Variants in DPH6 observed in about 807,000 individuals in gnomAD.
DPH6 encodes the protein diphthamine biosynthesis 6, also known as diphthine--ammonia ligase.
A neutral mutation model predicts 38.2 loss-of-function variants in DPH6; 33 were observed. The ratio of observed to expected loss-of-function variants is 0.86; its 90% CI spans 0.65 to 1.15. DPH6 has a LOEUF of 1.15. DPH6 is among the 50% of genes most tolerant of loss of function. DPH6 has a pLI of 0.00. For synonymous variants in DPH6, 108 were observed against 103.0 expected (o/e 1.05, Z -0.30); for missense variants, 325 against 320.0 (o/e 1.02, Z -0.12).
chr15:35,154,074 G>A, the DPH6 span, among the ~76,000 whole-genome samples: 14 of 152,222 alleles, frequency 9.2e-5, no homozygotes, highest in African/African-American at 2.4e-4. Context: ...AATATTTGTC[G>A]AAAGTTACAA....
At chr15:35,473,973 A>T (rs140075297) in intron 3 of DPH6, among the ~76,000 whole-genome samples, 289 of 149,114 alleles carry the variant, frequency 1.9e-3, no homozygotes, top group African/African-American at 7.0e-3. Flanking sequence ...CGCGCGCGTG[A>T]GCTTTTGTAG....
At chr15:35,513,654 A>G (rs765584641) in intron 3 of DPH6, among the ~76,000 whole-genome samples, 6 of 152,082 alleles carry the variant, frequency 3.9e-5, no homozygotes, top group Admixed American at 2.0e-4. Context: ...AATCTTAACT[A>G]TAAGGAAAGA....
rs570763041 is a variant in DPH6 at position 35,492,381 on chromosome 15, A to G, written c.313-37561T>C. ...GACAATAAAGGAAGATTATTCATTT[A>G]CCTGTTATGTGATTCATGTTTTTCA... On this transcript the variant is annotated intron_variant, in intron 3 of 8. Coordinates refer to ENST00000256538, the MANE Select transcript of DPH6 (RefSeq NM_080650.4). 2.0e-5 allele frequency among the ~76,000 whole-genome samples: 3 copies of G among 152,372 alleles called. No homozygotes were observed. The South Asian group carries it at 6.2e-4, about 32-fold the overall frequency.
intron 3 of DPH6, among the ~76,000 whole-genome samples, chr15:35,497,238 T>C (rs1566931593): frequency 6.6e-6 from 1 of 152,182 alleles, no homozygotes; most frequent in Non-Finnish European, 1.5e-5. Flanking sequence ...TTAGAAATGG[T>C]CATTGGGCCT....
intron 3 of DPH6, among the ~76,000 whole-genome samples, chr15:35,456,044 C>T (rs1444029008): frequency 1.3e-5 from 2 of 152,082 alleles, no homozygotes; most frequent in Non-Finnish European, 2.9e-5. Flanking sequence ...TGGAGAAATA[C>T]CTGCCCAAAT....
intron 3 of DPH6, among the ~76,000 whole-genome samples, chr15:35,264,119 T>TA (rs199909944): frequency 2.7e-5 from 4 of 149,658 alleles, no homozygotes; most frequent in Admixed American, 6.6e-5. Context: ...ATTCAAAGAT[T>TA]AAAAAAAAAG....
At chr15:35,408,482 A>C (rs1294203471) in intron 6 of DPH6, among the ~76,000 whole-genome samples, 4 of 151,992 alleles carry the variant, frequency 2.6e-5, no homozygotes, top group Non-Finnish European at 4.4e-5. Context: ...ATCTGTGGGC[A>C]CTGAAGCTTA....
chr15:35,436,101 T>C (rs543786755), intron 5 of DPH6, among the ~76,000 whole-genome samples: 10 of 152,046 alleles, frequency 6.6e-5, no homozygotes, highest in Non-Finnish European at 1.3e-4. Flanking sequence ...CTGAGCAGCA[T>C]ACCTCGCGAC....
At chr15:35,352,105 G>T (rs1161012728) in intron 3 of DPH6, among the ~76,000 whole-genome samples, 2 of 152,106 alleles carry the variant, frequency 1.3e-5, no homozygotes, top group African/African-American at 4.8e-5. Flanking sequence ...TCTAATTTAT[G>T]TAAGTATTAA....
rs368215476 is a variant in DPH6 at position 35,467,573 on chromosome 15, CAAAG to C, written c.313-12757_313-12754del. Among the ~76,000 whole-genome samples the C allele has an allele frequency of 3.4e-3, 518 of 152,206 alleles. 7 individuals carry two copies. Among genetic ancestry groups the C allele is most frequent in the African/African-American group, 0.012 (490 of 41,554 alleles). ...AGGGTGAGACTCCATCTCGAACAAACAAAGAAACAAAACAAACAAAAAAAACTAA... is the reference window on the plus strand; with the variant it reads ...AGGGTGAGACTCCATCTCGAACAAACAAACAAAACAAACAAAAAAAACTAA... On this transcript the variant is annotated intron_variant, in intron 3 of 8. Coordinates refer to ENST00000256538, the MANE Select transcript of DPH6 (RefSeq NM_080650.4).
the DPH6 span, among the ~76,000 whole-genome samples, chr15:35,159,347 T>A: frequency 6.6e-6 from 1 of 152,042 alleles, no homozygotes; most frequent in African/African-American, 2.4e-5. Context: ...TTCTCTTGTA[T>A]CTTCAGTTTC....
intron 6 of DPH6, among the ~76,000 whole-genome samples, chr15:35,383,493 C>T (rs1246663162): frequency 6.6e-6 from 1 of 152,230 alleles, no homozygotes; most frequent in East Asian, 1.9e-4. Context: ...AGACAACCTT[C>T]TTGGTCTCTT....
At chr15:35,354,675 C>T (rs1189433301) in intron 3 of DPH6, among the ~76,000 whole-genome samples, 5 of 152,058 alleles carry the variant, frequency 3.3e-5, no homozygotes, top group African/African-American at 9.7e-5. Flanking sequence ...CTGCTGAATT[C>T]GGTTTGCCAG....
At chr15:35,334,137 G>T (rs564839854) in intron 3 of DPH6, among the ~76,000 whole-genome samples, 7 of 152,190 alleles carry the variant, frequency 4.6e-5, no homozygotes, top group Non-Finnish European at 1.0e-4. Context: ...AAAAATGGAA[G>T]AGGGAAGGAT....
intron 3 of DPH6, among the ~76,000 whole-genome samples, chr15:35,296,581 T>G (rs1386015107): frequency 6.6e-6 from 1 of 152,202 alleles, no homozygotes; most frequent in Non-Finnish European, 1.5e-5. Flanking sequence ...TCTCTAAAGC[T>G]ACACCCAACT....
intron 3 of DPH6, among the ~76,000 whole-genome samples, chr15:35,302,559 T>C (rs986532648): frequency 3.3e-5 from 5 of 152,290 alleles, no homozygotes; most frequent in East Asian, 3.9e-4. Context: ...CAAGACAAGA[T>C]AAAAGCAGCA....
intron 3 of DPH6, among the ~76,000 whole-genome samples, chr15:35,317,271 AAGAAAGAG>A (rs2052198646): frequency 7.3e-6 from 1 of 137,794 alleles, no homozygotes; most frequent in Non-Finnish European, 1.6e-5. Flanking sequence ...AAAAGAAAGA[AAGAAAGAG>A]AGAGAGAGAG....
intron 3 of DPH6, among the ~76,000 whole-genome samples, chr15:35,289,522 C>T (rs1021519427): frequency 2.0e-5 from 3 of 151,816 alleles, no homozygotes; most frequent in Non-Finnish European, 2.9e-5. Flanking sequence ...AAACTGCCTT[C>T]AATAAATAAA....
At chr15:35,458,286 A>G (rs1292761090) in intron 3 of DPH6, among the ~76,000 whole-genome samples, 1 of 151,620 alleles carries the variant, frequency 6.6e-6, no homozygotes, top group Non-Finnish European at 1.5e-5. Flanking sequence ...AAAGCCCTTC[A>G]CTCATGGGTT....
Sources: gnomAD v4.1 joint callset for allele counts (sites outside exome capture counted in the v4.1 genomes callset) on GRCh38, gnomAD v4.1.1 for gene constraint, MANE v1.5 for transcripts, NCBI Gene and HGNC (gene_info 2026-07-23, HGNC 2026-07-21) for gene names.